VPS54: variants seen among roughly 807,000 people sequenced by gnomAD.
VPS54 encodes vacuolar protein sorting-associated protein 54.
Under a neutral mutation model 121.5 loss-of-function variants are expected in VPS54, and 45 were observed. That is an observed-to-expected ratio of 0.37 (90% confidence interval 0.29 to 0.47). The LOEUF (loss-of-function observed/expected upper bound fraction) is 0.47, where lower values mean the gene tolerates loss of function less well. VPS54 is among the 20% of genes least tolerant of loss of function. The probability of loss-of-function intolerance (pLI) is 0.99; values close to 1 mark genes in which losing one functional copy is unlikely to be tolerated. For synonymous variants in VPS54, 371 were observed against 385.8 expected (o/e 0.96, Z 0.45); for missense variants, 1,090 against 1,131.4 (o/e 0.96, Z 0.52).
chr2:64,016,961 T>C (rs1678726356), intron 1 of VPS54, among the ~76,000 whole-genome samples: 1 of 125,014 alleles, frequency 8.0e-6, no homozygotes, highest in Admixed American at 9.1e-5. Flanking sequence ...TTTATCTCAA[T>C]AAAGCAGTTT....
intron 1 of VPS54, among the ~76,000 whole-genome samples, chr2:64,012,413 C>G (rs1231163398): frequency 6.6e-6 from 1 of 151,018 alleles, no homozygotes; most frequent in African/African-American, 2.4e-5. Context: ...CTCAAGTCCC[C>G]TAGCCTACTT....
chr2:63,948,414 GTTTT>G (rs560700373), intron 8 of VPS54, among the ~76,000 whole-genome samples: 4 of 106,082 alleles, frequency 3.8e-5, no homozygotes, highest in South Asian at 6.0e-4. Context: ...CACTTTTTCG[GTTTT>G]TTTTTTTTTT....
intron 17 of VPS54, 67 bp downstream of exon 17, chr2:63,914,110 TTAAGA>T (rs1409290195): frequency 2.0e-4 from 244 of 1,240,204 alleles, no homozygotes; most frequent in Non-Finnish European, 2.5e-4. Context: ...TGTCTTTGAG[TTAAGA>T]TTAGTCACAC....
chr2:64,016,994 G>C (rs578184651), intron 1 of VPS54, among the ~76,000 whole-genome samples: 31 of 130,044 alleles, frequency 2.4e-4, no homozygotes, highest in Non-Finnish European at 4.5e-4. Flanking sequence ...GAGCAGGAAA[G>C]AGGAATTGTA....
intron 4 of VPS54, among the ~76,000 whole-genome samples, chr2:63,971,888 G>A (rs781438323): frequency 1.2e-4 from 18 of 152,118 alleles, no homozygotes; most frequent in Admixed American, 3.9e-4. Context: ...CTACACACAT[G>A]TGCCATCATG....
chr2:63,898,441 A>G (rs1027666653), intron 21 of VPS54, among the ~76,000 whole-genome samples: 2 of 152,206 alleles, frequency 1.3e-5, no homozygotes, highest in Non-Finnish European at 2.9e-5. Flanking sequence ...AAGGAGTTAC[A>G]TGATATTTAT....
intron 3 of VPS54, among the ~76,000 whole-genome samples, chr2:63,978,599 A>G (rs1299690593): frequency 6.6e-6 from 1 of 152,098 alleles, no homozygotes; most frequent in Non-Finnish European, 1.5e-5. Context: ...ATAAATATAA[A>G]GCTATTTCAG....
intron 11 of VPS54, among the ~76,000 whole-genome samples, chr2:63,941,749 TAGC>T (rs1281949450): frequency 1.3e-5 from 2 of 152,088 alleles, no homozygotes; most frequent in Non-Finnish European, 2.9e-5. Flanking sequence ...TAAAGAATAT[TAGC>T]AGCCAGGCAC....
intron 1 of VPS54, among the ~76,000 whole-genome samples, chr2:64,013,702 G>GAT (rs1009069341): frequency 2.1e-5 from 3 of 144,862 alleles, no homozygotes; most frequent in Admixed American, 7.0e-5. Context: ...CATATATAGA[G>GAT]ATATATATAT....
chr2:63,986,560 C>T (rs572625312), intron 1 of VPS54, among the ~76,000 whole-genome samples: 6 of 152,216 alleles, frequency 3.9e-5, no homozygotes, highest in Admixed American at 1.3e-4. Context: ...AATACTGCTG[C>T]AATAAATATG....
At chr2:64,004,970 G>A (rs1291238626) in intron 1 of VPS54, among the ~76,000 whole-genome samples, 1 of 151,388 alleles carries the variant, frequency 6.6e-6, no homozygotes, top group Non-Finnish European at 1.5e-5. Context: ...TAGAGACGAG[G>A]TCTCACTATG....
chr2:63,962,610 G>A (rs1448861572), intron 6 of VPS54, among the ~76,000 whole-genome samples, 167 bp from the exon 7 acceptor site: 1 of 152,158 alleles, frequency 6.6e-6, no homozygotes, highest in Non-Finnish European at 1.5e-5. Flanking sequence ...ATGGAAGGAA[G>A]ATAAAGGGTA....
At chr2:64,006,419 C>A (rs572921022) in intron 1 of VPS54, among the ~76,000 whole-genome samples, 6 of 152,222 alleles carry the variant, frequency 3.9e-5, no homozygotes, top group Non-Finnish European at 7.3e-5. Flanking sequence ...ATTGGCCATA[C>A]AATCAGTTAG....
intron 12 of VPS54, among the ~76,000 whole-genome samples, chr2:63,927,321 A>C (rs1673955236): frequency 6.6e-6 from 1 of 152,192 alleles, no homozygotes; most frequent in South Asian, 2.1e-4. Flanking sequence ...AGGATCAGGC[A>C]GCAATATTTG....
chr2:63,944,703 A>C (rs1418153904), intron 9 of VPS54, 48 bp from the exon 10 acceptor site: 9 of 1,492,128 alleles, frequency 6.0e-6, no homozygotes, highest in Non-Finnish European at 4.6e-6. Context: ...ATTGTCTTTC[A>C]AATCCTAAGT....
chr2:64,013,584 AAATATATATC>A (rs1559059876), intron 1 of VPS54, among the ~76,000 whole-genome samples: 1 of 146,976 alleles, frequency 6.8e-6, no homozygotes. Context: ...ATTTATATAT[AAATATATATC>A]AATATATATC....
At chr2:63,911,445 G>A (rs1184356614) in intron 20 of VPS54, among the ~76,000 whole-genome samples, 2 of 152,114 alleles carry the variant, frequency 1.3e-5, no homozygotes, top group Non-Finnish European at 2.9e-5. Context: ...AGGAATCTGG[G>A]AAGTAAAAGC....
intron 11 of VPS54, among the ~76,000 whole-genome samples, chr2:63,937,939 T>C (rs1283410195): frequency 6.6e-6 from 1 of 152,116 alleles, no homozygotes; most frequent in Non-Finnish European, 1.5e-5. Context: ...TTATATGAAA[T>C]ACCTAATAAT....
intron 1 of VPS54, among the ~76,000 whole-genome samples, chr2:64,012,306 G>A (rs766138241): frequency 7.2e-5 from 11 of 152,038 alleles, no homozygotes; most frequent in Non-Finnish European, 1.0e-4. Flanking sequence ...AATCTCAGAT[G>A]AGCCTCTGAT....
Sources: gnomAD v4.1 joint callset for allele counts (sites outside exome capture counted in the v4.1 genomes callset) on GRCh38, gnomAD v4.1.1 for gene constraint, MANE v1.5 for transcripts, NCBI Gene and HGNC (gene_info 2026-07-23, HGNC 2026-07-21) for gene names.